BRINP3: variants seen among roughly 807,000 people sequenced by gnomAD.
BRINP3 encodes BMP/retinoic acid-inducible neural-specific protein 3.
Under a neutral mutation model 71.0 loss-of-function variants are expected in BRINP3, and 19 were observed. That is an observed-to-expected ratio of 0.27 (90% CI 0.19 to 0.39). The LOEUF is 0.39. BRINP3 is among the 10% of genes least tolerant of loss of function. The pLI, the probability that BRINP3 is intolerant of heterozygous loss-of-function variation, is 1.00. For missense variants in BRINP3, 959 were observed against 940.8 expected (o/e 1.02, Z -0.25); for synonymous variants, 380 against 337.7 (o/e 1.13, Z -1.37).
At chr1:190,433,937 T>G (rs1203432031) in intron 2 of BRINP3, among the ~76,000 whole-genome samples, 1 of 152,116 alleles carries the variant, frequency 6.6e-6, no homozygotes, top group Admixed American at 6.6e-5. Flanking sequence ...CTACAGAAAG[T>G]TCTCTATTAT....
intron 6 of BRINP3, among the ~76,000 whole-genome samples, chr1:190,205,019 T>C (rs1414569095): frequency 3.3e-5 from 5 of 151,236 alleles, no homozygotes; most frequent in African/African-American, 1.2e-4. Context: ...GCCCGGACGA[T>C]GTATGTAACT....
intron 2 of BRINP3, among the ~76,000 whole-genome samples, chr1:190,383,787 C>T (rs916628546): frequency 6.6e-5 from 10 of 151,914 alleles, no homozygotes; most frequent in African/African-American, 2.2e-4. Context: ...AATTTATAAA[C>T]ATTATACAGA....
intron 2 of BRINP3, among the ~76,000 whole-genome samples, chr1:190,404,888 G>T (rs1672161153): frequency 6.6e-6 from 1 of 152,098 alleles, no homozygotes; most frequent in African/African-American, 2.4e-5. Flanking sequence ...TTCCCAGTTT[G>T]TCAACTGGCT....
intron 2 of BRINP3, among the ~76,000 whole-genome samples, chr1:190,402,989 C>T (rs988917207): frequency 6.6e-6 from 1 of 152,058 alleles, no homozygotes; most frequent in Non-Finnish European, 1.5e-5. Context: ...GGCCTCCCAA[C>T]GTGCTGGGAT....
rs143304288 is a variant in BRINP3, at chr1:190,192,391, T to C, written c.962-31501A>G. 2.0e-5 allele frequency among the ~76,000 whole-genome samples: 3 copies of C among 152,252 alleles called. No homozygotes were observed. In the East Asian group the frequency reaches 5.8e-4, roughly 29 times the overall value. On this transcript the variant is annotated intron_variant, in intron 6 of 7. Coordinates refer to ENST00000367462, the MANE Select transcript of BRINP3 (RefSeq NM_199051.3). Reference sequence around the variant, plus strand: ...AATCACTAAGGAACATTAAAAATGCTATTAGTAAAACAAGAAACATTAAAC... The same window carrying C: ...AATCACTAAGGAACATTAAAAATGCCATTAGTAAAACAAGAAACATTAAAC...
At chr1:190,240,844 C>A (rs1238833441) in intron 4 of BRINP3, among the ~76,000 whole-genome samples, 1 of 126,722 alleles carries the variant, frequency 7.9e-6, no homozygotes, top group African/African-American at 3.1e-5. Flanking sequence ...TGCACTCCAT[C>A]CTGGGCAATA....
intron 2 of BRINP3, among the ~76,000 whole-genome samples, chr1:190,399,483 G>A (rs907729342): frequency 1.3e-5 from 2 of 151,886 alleles, no homozygotes; most frequent in Non-Finnish European, 1.5e-5. Flanking sequence ...TTTTTATAAT[G>A]TACATAAATA....
At chr1:190,417,173 T>A (rs72731154) in intron 2 of BRINP3, among the ~76,000 whole-genome samples, 51 of 151,492 alleles carry the variant, frequency 3.4e-4, no homozygotes, top group Middle Eastern at 3.4e-3. Context: ...AATCACAAAC[T>A]AAGGTAAATA....
chr1:190,186,528 G>C (rs1653543815), intron 6 of BRINP3, among the ~76,000 whole-genome samples: 1 of 152,164 alleles, frequency 6.6e-6, no homozygotes, highest in South Asian at 2.1e-4. Flanking sequence ...TGAAGTCTGA[G>C]TTTGTGAGCC....
intron 4 of BRINP3, among the ~76,000 whole-genome samples, chr1:190,245,312 T>C (rs555390230): frequency 6.6e-6 from 1 of 151,864 alleles, no homozygotes; most frequent in Non-Finnish European, 1.5e-5. Context: ...CCAAATTCTT[T>C]AGGAACTTAT....
At chr1:190,277,986 T>C (rs1022675644) in intron 3 of BRINP3, among the ~76,000 whole-genome samples, 3 of 151,796 alleles carry the variant, frequency 2.0e-5, no homozygotes, top group African/African-American at 7.2e-5. Flanking sequence ...TTTTTCTCTA[T>C]AGATAGAATG....
chr1:190,154,169 G>A (rs2102433460), intron 7 of BRINP3: 1 of 559,380 alleles, frequency 1.8e-6, no homozygotes, highest in Non-Finnish European at 2.3e-6. Flanking sequence ...ACCAATTTAG[G>A]AGTTTCATGC....
chr1:190,322,585 G>A (rs938005736), intron 2 of BRINP3, among the ~76,000 whole-genome samples: 1 of 151,986 alleles, frequency 6.6e-6, no homozygotes, highest in African/African-American at 2.4e-5. Context: ...TGAAGACATT[G>A]CAAAGGCCGT....
intron 2 of BRINP3, among the ~76,000 whole-genome samples, chr1:190,316,555 T>C (rs1665895691): frequency 6.6e-6 from 1 of 152,090 alleles, no homozygotes; most frequent in Non-Finnish European, 1.5e-5. Context: ...ATATAAACTA[T>C]CACAGTATTT....
chr1:190,216,760 C>G (rs1656452756), intron 6 of BRINP3, among the ~76,000 whole-genome samples: 1 of 151,808 alleles, frequency 6.6e-6, no homozygotes, highest in Non-Finnish European at 1.5e-5. Context: ...ATGAAATATG[C>G]AAATTACTTC....
At chr1:190,442,892 G>A (rs1291119416) in intron 2 of BRINP3, among the ~76,000 whole-genome samples, 4 of 150,198 alleles carry the variant, frequency 2.7e-5, no homozygotes, top group African/African-American at 7.3e-5. Context: ...CAAATATTGT[G>A]GAAGTCTCTG....
intron 2 of BRINP3, among the ~76,000 whole-genome samples, chr1:190,381,226 TCTCA>T (rs1670528425): frequency 1.3e-5 from 2 of 152,142 alleles, no homozygotes; most frequent in Non-Finnish European, 1.5e-5. Flanking sequence ...TGTCCTAGTT[TCTCA>T]CTATGTCAAT....
intron 2 of BRINP3, among the ~76,000 whole-genome samples, chr1:190,371,637 A>G (rs1460795062): frequency 1.3e-5 from 2 of 152,104 alleles, no homozygotes; most frequent in African/African-American, 4.8e-5. Flanking sequence ...TTTTTGCTCA[A>G]TAGTTTTGAC....
At chr1:190,212,030 A>T (rs1198104132) in intron 6 of BRINP3, among the ~76,000 whole-genome samples, 1 of 152,144 alleles carries the variant, frequency 6.6e-6, no homozygotes, top group Non-Finnish European at 1.5e-5. Context: ...CAATGAGCAT[A>T]TCATCACAAT....
Sources: gnomAD v4.1 joint callset for allele counts (sites outside exome capture counted in the v4.1 genomes callset) on GRCh38, gnomAD v4.1.1 for gene constraint, MANE v1.5 for transcripts, NCBI Gene and HGNC (gene_info 2026-07-23, HGNC 2026-07-21) for gene names.